GSE1: variants seen among roughly 807,000 people sequenced by gnomAD.
GSE1 encodes Gse1 coiled-coil protein.
Under a neutral mutation model 112.6 loss-of-function variants are expected in GSE1, and 32 were observed. That is an observed-to-expected ratio of 0.28 (90% CI 0.21 to 0.38). GSE1 has a LOEUF of 0.38. Ranked by LOEUF, GSE1 falls within the 10% of genes least tolerant of loss-of-function variation. The pLI is 1.00. For missense variants in GSE1, 2,348 were observed against 1,699.2 expected (o/e 1.38, Z -6.71); for synonymous variants, 1,115 against 735.6 (o/e 1.52, Z -8.35).
chr16:85,241,419 C>T (rs549322348), intron 1 of GSE1, among the ~76,000 whole-genome samples: 1 of 152,338 alleles, frequency 6.6e-6, no homozygotes, highest in East Asian at 1.9e-4. Context: ...CATTGCATGG[C>T]TTCATGCTGG....
chr16:85,493,134 G>A (rs757903528), intron 2 of GSE1, among the ~76,000 whole-genome samples: 3 of 152,194 alleles, frequency 2.0e-5, no homozygotes, highest in African/African-American at 4.8e-5. Context: ...CCAGGGAGGG[G>A]CGATGCAGAG....
At position 85,311,338 on chromosome 16, in the gene GSE1, G is replaced by A. The variant is rs1031210351; in HGVS notation, c.2284-46125G>A. Among the ~76,000 whole-genome samples, 8 of 152,236 alleles carry A rather than the reference G, an allele frequency of 5.3e-5. No homozygotes were observed. The highest frequency in any genetic ancestry group is 5.9e-5 in the Non-Finnish European group (4 of 68,048). On this transcript the variant is annotated intron_variant, in intron 1 of 2. Coordinates refer to the GSE1 transcript ENST00000637419. This position sits in a 1 kb window ranked among gnomAD's most constrained non-coding sequence, Gnocchi z 4.2. ...GGGTGGGCGTCGTTAGAGCAGAAAC[G>A]GTGGTGGCAGGACCCAAGACTGTGC...
chr16:85,568,408 C>T (rs974094351), intron 1 of GSE1, among the ~76,000 whole-genome samples: 1 of 152,186 alleles, frequency 6.6e-6, no homozygotes, highest in Admixed American at 6.5e-5. Context: ...GGTGTTGTTT[C>T]TTGTCACAGA....
intron 2 of GSE1, among the ~76,000 whole-genome samples, chr16:85,395,597 A>T (rs1353783872): frequency 1.3e-5 from 2 of 152,138 alleles, no homozygotes; most frequent in African/African-American, 4.8e-5. Context: ...GCACCATGCC[A>T]GCCCTCGCCA....
intron 1 of GSE1, among the ~76,000 whole-genome samples, chr16:85,579,701 G>A (rs1034228622): frequency 4.6e-5 from 7 of 152,224 alleles, no homozygotes; most frequent in African/African-American, 1.7e-4. Flanking sequence ...CCCCATCTCA[G>A]ATCCCAGTCC....
In GSE1 at chr16:85,596,242, G is replaced by C. The variant is rs183367601; in HGVS notation, c.37+39879G>C. Among the ~76,000 whole-genome samples the C allele has an allele frequency of 1.1e-4, 17 of 152,280 alleles. No individual in the cohort carries two copies. The East Asian group carries it at 3.1e-3, about 28-fold the overall frequency. On this transcript the variant is annotated intron_variant, in intron 1 of 2. Transcript: ENST00000635906. The stretch of plus-strand genomic sequence containing the variant: ...ACATCAGCATGATGGTCCGCCTAAC[G>C]TGAGGGGAGGGGGCCTGGCCCACCT...
intron 1 of GSE1, among the ~76,000 whole-genome samples, chr16:85,623,340 A>G (rs147579148): frequency 2.0e-5 from 3 of 151,612 alleles, no homozygotes; most frequent in Non-Finnish European, 4.4e-5. Flanking sequence ...CGGCCTCCCA[A>G]AGCGCTGGGA....
At chr16:85,422,352 GA>G (rs1448080708) in intron 2 of GSE1, among the ~76,000 whole-genome samples, 1 of 149,132 alleles carries the variant, frequency 6.7e-6, no homozygotes, top group African/African-American at 2.4e-5. Context: ...GGCTCTGCGG[GA>G]AGGAGCTGGG....
At chr16:85,534,666 T>C (rs1024951759) in intron 2 of GSE1, among the ~76,000 whole-genome samples, 2 of 152,210 alleles carry the variant, frequency 1.3e-5, no homozygotes, top group African/African-American at 4.8e-5. Flanking sequence ...CCGCTGCTGG[T>C]CGTGCCGCCG....
chr16:85,508,723 G>A (rs1003679287), intron 2 of GSE1, among the ~76,000 whole-genome samples: 3 of 152,206 alleles, frequency 2.0e-5, no homozygotes, highest in African/African-American at 2.4e-5. Flanking sequence ...GGAGACTGGT[G>A]TGCTGGTCTG....
chr16:85,368,732 A>T (rs926274421), intron 2 of GSE1, among the ~76,000 whole-genome samples: 1 of 152,148 alleles, frequency 6.6e-6, no homozygotes, highest in East Asian at 1.9e-4. Flanking sequence ...CTAAAATTCC[A>T]TTTGAAATGA....
chr16:85,271,947 A>C (rs1908877163), intron 1 of GSE1, among the ~76,000 whole-genome samples: 1 of 152,240 alleles, frequency 6.6e-6, no homozygotes, highest in African/African-American at 2.4e-5. Context: ...CTACGTGGCC[A>C]GGCCAGCGTC....
At chr16:85,428,044 C>T (rs1463207125) in intron 2 of GSE1, among the ~76,000 whole-genome samples, 1 of 152,196 alleles carries the variant, frequency 6.6e-6, no homozygotes, top group East Asian at 1.9e-4. Context: ...TGGCCCGTGG[C>T]TGCTGTATTG....
rs747528307 is a variant in GSE1, at chr16:85,672,514, G to C, written c.3629G>C (p.Gly1210Ala). The C allele has an allele frequency of 6.2e-7, 1 of 1,610,622 alleles. No homozygotes were observed. The highest frequency in any genetic ancestry group is 8.5e-7 in the Non-Finnish European group (1 of 1,177,210). The change falls in exon 16 of 16, where the codon GGC becomes GCC. Residue 1210 changes from glycine to alanine, a missense_variant. Physicochemically the swap from Gly to Ala is moderately conservative, Grantham distance 60. Coordinates refer to ENST00000253458, the MANE Select transcript of GSE1 (RefSeq NM_014615.5). ...LALPAMHWPR[G>A]YLKGYPR ...TTGCCTGCAATGCACTGGCCTAGGG[G>C]CTACCTGAAGGGATATCCCAGGTGA...
At chr16:85,355,532 G>T (rs550825627) in intron 1 of GSE1, among the ~76,000 whole-genome samples, 1 of 152,200 alleles carries the variant, frequency 6.6e-6, no homozygotes, top group Non-Finnish European at 1.5e-5. Context: ...GAGAGCAGAC[G>T]CCGACAGCCA....
chr16:85,251,432 G>A (rs1906469017), intron 1 of GSE1, among the ~76,000 whole-genome samples: 1 of 152,278 alleles, frequency 6.6e-6, no homozygotes, highest in Non-Finnish European at 1.5e-5. Flanking sequence ...AGCTGGCTGA[G>A]CTGCAGCACA....
intron 1 of GSE1, among the ~76,000 whole-genome samples, chr16:85,273,423 A>G (rs1567654569): frequency 6.6e-6 from 1 of 152,230 alleles, no homozygotes; most frequent in African/African-American, 2.4e-5. Flanking sequence ...GTCAACTGAT[A>G]ATGGAGAAAC....
At chr16:85,380,577 C>A (rs1382054743) in intron 2 of GSE1, among the ~76,000 whole-genome samples, 2 of 151,976 alleles carry the variant, frequency 1.3e-5, no homozygotes, top group Non-Finnish European at 2.9e-5. Context: ...GGCCTCTCAT[C>A]CCTCATGGTC....
chr16:85,310,093 CT>C (rs2045794863), intron 1 of GSE1, among the ~76,000 whole-genome samples: 1 of 152,238 alleles, frequency 6.6e-6, no homozygotes, highest in South Asian at 2.1e-4. Context: ...GGCCTCACCC[CT>C]GTCCCGCCTG....
Sources: gnomAD v4.1 joint callset for allele counts (sites outside exome capture counted in the v4.1 genomes callset) on GRCh38, gnomAD v4.1.1 for gene constraint, Gnocchi (gnomAD v3.1) non-coding constraint, MANE v1.5 for transcripts, NCBI Gene and HGNC (gene_info 2026-07-23, HGNC 2026-07-21) for gene names.